IMMP2L: variants seen among roughly 807,000 people sequenced by gnomAD.
IMMP2L encodes mitochondrial inner membrane protease subunit 2.
IMMP2L carries 18 observed loss-of-function variants against 19.3 expected under a neutral mutation model. That is an observed-to-expected ratio of 0.93 (90% CI 0.64 to 1.38). The LOEUF (loss-of-function observed/expected upper bound fraction) is 1.38, where lower values mean the gene tolerates loss of function less well. IMMP2L is among the 40% of genes most tolerant of loss of function. IMMP2L has a pLI of 0.00. For missense variants in IMMP2L, 233 were observed against 218.2 expected (o/e 1.07, Z -0.43); for synonymous variants, 76 against 73.0 (o/e 1.04, Z -0.21).
At chr7:111,007,402 C>A (rs547695244) in intron 3 of IMMP2L, among the ~76,000 whole-genome samples, 1 of 152,152 alleles carries the variant, frequency 6.6e-6, no homozygotes, top group Admixed American at 6.6e-5. Context: ...AGGGTCAGCA[C>A]CATTTGACAC....
intron 4 of IMMP2L, among the ~76,000 whole-genome samples, chr7:110,892,450 T>C (rs973314535): frequency 2.0e-5 from 3 of 152,162 alleles, no homozygotes; most frequent in Non-Finnish European, 4.4e-5. Flanking sequence ...CTCCGCTGCA[T>C]GGTGTACTTG....
At chr7:111,210,568 T>C (rs370619603) in intron 3 of IMMP2L, among the ~76,000 whole-genome samples, 21 of 152,270 alleles carry the variant, frequency 1.4e-4, no homozygotes, top group African/African-American at 5.1e-4. Flanking sequence ...TTTCTTATGC[T>C]TGATATATTT....
rs539854530 is a variant in IMMP2L at position 111,050,113 on chromosome 7, T to C, written c.240-86548A>G. 2.3e-4 allele frequency among the ~76,000 whole-genome samples: 35 copies of C among 152,344 alleles called. No individual in the cohort carries two copies. The South Asian group carries it at 7.2e-3, about 32-fold the overall frequency. ...TAGTGCTAGTAAAGTAAAATGATTG[T>C]GCTCCAAAATGAAGTATATAATAGG... On this transcript the variant is annotated intron_variant, in intron 3 of 5. Coordinates refer to ENST00000405709, the MANE Select transcript of IMMP2L (RefSeq NM_032549.4).
At chr7:110,804,378 T>C (rs941937869) in intron 5 of IMMP2L, among the ~76,000 whole-genome samples, 17 of 152,100 alleles carry the variant, frequency 1.1e-4, no homozygotes, top group Non-Finnish European at 1.8e-4. Flanking sequence ...GGTTGTTCTG[T>C]GTCCCTGAAG....
In IMMP2L at chr7:110,974,262, G is replaced by A. The variant is rs192195940; in HGVS notation, c.240-10697C>T. On this transcript the variant is annotated intron_variant, in intron 3 of 5. Transcript: ENST00000405709. ...TGGGGATTTCGTTTCACTCTAACATGGGAGCTTTGCCAAGAGACATGGGCA... is the reference window on the plus strand; with the variant it reads ...TGGGGATTTCGTTTCACTCTAACATAGGAGCTTTGCCAAGAGACATGGGCA... 1.5e-4 allele frequency among the ~76,000 whole-genome samples: 23 copies of A among 152,122 alleles called. No individual in the cohort carries two copies. In the East Asian group the frequency reaches 3.5e-3, roughly 23 times the overall value.
At chr7:111,226,913 C>T (rs1037638948) in intron 3 of IMMP2L, among the ~76,000 whole-genome samples, 7 of 151,790 alleles carry the variant, frequency 4.6e-5, no homozygotes, top group African/African-American at 1.7e-4. Context: ...AATACATGAG[C>T]AAATTTATTG....
Position 111,404,345 on chromosome 7 carries a change from A to G in IMMP2L, c.239+82893T>C, listed in dbSNP as rs190235035. 5.8e-4 allele frequency among the ~76,000 whole-genome samples: 88 copies of G among 152,196 alleles called. 2 individuals carry two copies. The highest frequency in any genetic ancestry group is 2.0e-3 in the African/African-American group (82 of 41,532). ...AGCTGTCACTGTAATTACAATGAAAAAATTTTACTTCCTAAGGATTTCATC... is the reference window on the plus strand; with the variant it reads ...AGCTGTCACTGTAATTACAATGAAAGAATTTTACTTCCTAAGGATTTCATC... On this transcript the variant is annotated intron_variant, in intron 3 of 5. Coordinates refer to ENST00000405709, the MANE Select transcript of IMMP2L (RefSeq NM_032549.4).
chr7:111,054,088 C>T (rs1793264544), intron 3 of IMMP2L, among the ~76,000 whole-genome samples: 1 of 151,936 alleles, frequency 6.6e-6, no homozygotes, highest in African/African-American at 2.4e-5. Flanking sequence ...AATCAGTGCA[C>T]TAAAATCTTT....
At chr7:111,486,455 C>T (rs1036953071) in intron 3 of IMMP2L, among the ~76,000 whole-genome samples, 1 of 152,130 alleles carries the variant, frequency 6.6e-6, no homozygotes, top group African/African-American at 2.4e-5. Flanking sequence ...AATCAAATGG[C>T]AGTAACACTG....
intron 3 of IMMP2L, among the ~76,000 whole-genome samples, chr7:111,167,774 C>A (rs541245745): frequency 6.6e-6 from 1 of 151,818 alleles, no homozygotes; most frequent in Non-Finnish European, 1.5e-5. Flanking sequence ...TGTGTTTACT[C>A]GGAATCCTCA....
chr7:111,480,085 CTTT>C (rs745928732), intron 3 of IMMP2L, among the ~76,000 whole-genome samples: 3 of 141,098 alleles, frequency 2.1e-5, no homozygotes, highest in African/African-American at 5.2e-5. Context: ...AGGATACCAA[CTTT>C]TTTTTTTTTT....
At chr7:111,539,132 AAAG>A (rs1848178434) in intron 1 of IMMP2L, among the ~76,000 whole-genome samples, 1 of 61,584 alleles carries the variant, frequency 1.6e-5, no homozygotes, top group Non-Finnish European at 3.2e-5. Context: ...AAAGAAAAGA[AAAG>A]GAAGGAAGGA....
intron 5 of IMMP2L, among the ~76,000 whole-genome samples, chr7:110,842,516 C>T (rs946279640): frequency 6.6e-6 from 1 of 152,202 alleles, no homozygotes; most frequent in Non-Finnish European, 1.5e-5. Flanking sequence ...AACCAAATGC[C>T]ATCTTCCTCA....
intron 3 of IMMP2L, among the ~76,000 whole-genome samples, chr7:111,378,037 T>C (rs1436432727): frequency 2.0e-5 from 3 of 152,110 alleles, no homozygotes; most frequent in South Asian, 2.1e-4. Context: ...GAAATATTTA[T>C]GGAATAGACT....
intron 3 of IMMP2L, among the ~76,000 whole-genome samples, chr7:111,154,047 C>T (rs1217772233): frequency 1.3e-5 from 2 of 152,008 alleles, no homozygotes; most frequent in African/African-American, 2.4e-5. Flanking sequence ...TGTATCATTG[C>T]TTTTTTCTTT....
chr7:111,295,706 C>T (rs529164409), intron 3 of IMMP2L, among the ~76,000 whole-genome samples: 58 of 151,910 alleles, frequency 3.8e-4, no homozygotes, highest in African/African-American at 1.3e-3. Context: ...ATTTTACATA[C>T]ACAAGTAAAA....
At chr7:110,751,710 G>C (rs1797729583) in intron 5 of IMMP2L, among the ~76,000 whole-genome samples, 1 of 151,948 alleles carries the variant, frequency 6.6e-6, no homozygotes, top group Non-Finnish European at 1.5e-5. Context: ...TTTAAGCCTA[G>C]ATTGCATTTT....
At chr7:110,720,087 A>G (rs937019724) in intron 5 of IMMP2L, among the ~76,000 whole-genome samples, 5 of 152,188 alleles carry the variant, frequency 3.3e-5, no homozygotes, top group Admixed American at 2.0e-4. Context: ...TAATGTCGGG[A>G]AATTAGCTGA....
chr7:111,129,510 T>C (rs1408521239), intron 3 of IMMP2L, among the ~76,000 whole-genome samples: 1 of 152,058 alleles, frequency 6.6e-6, no homozygotes, highest in Non-Finnish European at 1.5e-5. Context: ...AAGACTACAA[T>C]GATCTTCTCT....
Sources: gnomAD v4.1 joint callset for allele counts (sites outside exome capture counted in the v4.1 genomes callset) on GRCh38, gnomAD v4.1.1 for gene constraint, MANE v1.5 for transcripts, NCBI Gene and HGNC (gene_info 2026-07-23, HGNC 2026-07-21) for gene names.